Variants in FAT3 observed in about 807,000 individuals in gnomAD.
FAT3 encodes the protein FAT atypical cadherin 3, also known as protocadherin Fat 3.
Under a neutral mutation model 310.2 loss-of-function variants are expected in FAT3, and 95 were observed. The observed-to-expected ratio is 0.31, with a 90% CI of 0.26 to 0.36. The LOEUF is 0.36. Among genes scored for constraint, FAT3 ranks in the 10% least tolerant of loss-of-function variants. FAT3 has a pLI of 1.00. For missense variants in FAT3, 5,408 were observed against 5,715.6 expected, an observed-to-expected ratio of 0.95 and a Z score of 1.74; for synonymous variants, 2,314 against 2,192.9, an observed-to-expected ratio of 1.06 and a Z score of -1.54.
At chr11:92,331,765 C>A (rs1333339703) in intron 1 of FAT3, among the ~76,000 whole-genome samples, 1 of 152,152 alleles carries the variant, frequency 6.6e-6, no homozygotes, top group Non-Finnish European at 1.5e-5. Context: ...GTTCTTGATA[C>A]CCACTCATTT....
intron 2 of FAT3, among the ~76,000 whole-genome samples, chr11:92,363,579 T>G (rs1298507503): frequency 2.6e-5 from 4 of 152,222 alleles, no homozygotes; most frequent in Non-Finnish European, 4.4e-5. Flanking sequence ...TTTGGTGGCT[T>G]TGGTTTAATT....
intron 1 of FAT3, among the ~76,000 whole-genome samples, chr11:92,345,265 A>G (rs1005437061): frequency 9.2e-5 from 14 of 152,118 alleles, no homozygotes; most frequent in African/African-American, 2.4e-4. Context: ...TACCATTTCA[A>G]GGCTGTTTGT....
intron 1 of FAT3, among the ~76,000 whole-genome samples, chr11:92,339,006 G>A (rs1158103511): frequency 6.6e-6 from 1 of 152,154 alleles, no homozygotes; most frequent in African/African-American, 2.4e-5. Context: ...ACCTCTCAAT[G>A]GCAGCAGAAG....
chr11:92,776,478 A>G (rs1946602045), intron 7 of FAT3, among the ~76,000 whole-genome samples: 1 of 152,212 alleles, frequency 6.6e-6, no homozygotes. Flanking sequence ...TCTAGATGCT[A>G]AGTACTAAGG....
Position 92,565,330 on chromosome 11 carries a change from A to G in FAT3, c.3607+40382A>G, listed in dbSNP as rs1591458024. The stretch of plus-strand genomic sequence containing the variant: ...TCGACACATACACTCTCCCAAGACT[A>G]AACCAGGAAGAAGTTGCATCTCTGA... On this transcript the variant is annotated intron_variant, in intron 3 of 27. Transcript: ENST00000525166. Among the ~76,000 whole-genome samples the G allele has an allele frequency of 1.4e-5, 2 of 146,626 alleles. 1 individual carries two copies. Among genetic ancestry groups the G allele is most frequent in the African/African-American group, 4.9e-5 (2 of 40,570 alleles).
chr11:92,837,532 C>A lies in FAT3; in HGVS notation c.10225-131C>A. On this transcript the variant is annotated intron_variant, in intron 16 of 27. Coordinates refer to ENST00000525166, the MANE Select transcript of FAT3 (RefSeq NM_001367949.2). Reference sequence around the variant, plus strand: ...AATGTCAGTGGTGCCAAGAATCACCCGGTCTGGAAAATCAAACTAAAGATG... The same window carrying A: ...AATGTCAGTGGTGCCAAGAATCACCAGGTCTGGAAAATCAAACTAAAGATG... The A allele has an allele frequency of 4.5e-6, 5 of 1,105,952 alleles. No homozygotes were observed. In the Admixed American group the frequency reaches 8.0e-5, roughly 18 times the overall value. The allele number at this position is 1,105,952 out of a possible 1,614,324, so 68.5% of individuals were successfully genotyped here. A position where few individuals can be genotyped will look rare whatever the true frequency, so the allele number is the denominator to read the frequency against.
intron 22 of FAT3, among the ~76,000 whole-genome samples, chr11:92,874,432 T>C (rs190108150): frequency 2.0e-5 from 3 of 152,358 alleles, no homozygotes; most frequent in East Asian, 1.9e-4. Flanking sequence ...CAAGCTCTTC[T>C]TTCTTATCCC....
chr11:92,886,891 CA>C, intron 24 of FAT3, 108 bp from the exon 25 acceptor site: 1 of 824,220 alleles, frequency 1.2e-6, no homozygotes, highest in Non-Finnish European at 1.9e-6. Flanking sequence ...TTTCTCTAAG[CA>C]AATGAAAGTG....
chr11:92,551,853 G>A (rs1021811785), intron 3 of FAT3, among the ~76,000 whole-genome samples: 1 of 152,202 alleles, frequency 6.6e-6, no homozygotes, highest in Admixed American at 6.5e-5. Flanking sequence ...AATAGAATGT[G>A]AGAAATTTGG....
chr11:92,641,352 G>T (rs565656), intron 3 of FAT3, among the ~76,000 whole-genome samples: 5 of 151,962 alleles, frequency 3.3e-5, no homozygotes, highest in African/African-American at 7.3e-5. Context: ...TAGTTTCCTA[G>T]GGCCAATATG....
intron 19 of FAT3, among the ~76,000 whole-genome samples, chr11:92,849,237 G>A (rs1948758001): frequency 6.6e-6 from 1 of 152,130 alleles, no homozygotes; most frequent in South Asian, 2.1e-4. Context: ...AACCACAGCA[G>A]CTTACCACTT....
intron 1 of FAT3, among the ~76,000 whole-genome samples, chr11:92,300,841 C>A (rs866240383): frequency 1.3e-5 from 2 of 152,062 alleles, no homozygotes; most frequent in Non-Finnish European, 2.9e-5. Flanking sequence ...CTGGTATTTC[C>A]GGTCTAACAC....
At chr11:92,743,112 G>A (rs1454722696) in intron 4 of FAT3, among the ~76,000 whole-genome samples, 1 of 152,156 alleles carries the variant, frequency 6.6e-6, no homozygotes, top group Non-Finnish European at 1.5e-5. Context: ...GGAAACACTG[G>A]TTTAAATGGT....
intron 2 of FAT3, among the ~76,000 whole-genome samples, chr11:92,430,295 C>G (rs1591279101): frequency 6.6e-6 from 1 of 152,066 alleles, no homozygotes; most frequent in South Asian, 2.1e-4. Context: ...TATCAATGTT[C>G]TTAGCTTCCT....
chr11:92,399,606 G>A (rs969171000), intron 2 of FAT3, among the ~76,000 whole-genome samples: 2 of 152,102 alleles, frequency 1.3e-5, no homozygotes, highest in Non-Finnish European at 2.9e-5. Context: ...TTGGTTGGTG[G>A]GAGCAGAAGA....
At chr11:92,829,897 T>C (rs761831218) in intron 13 of FAT3, among the ~76,000 whole-genome samples, 4 of 152,172 alleles carry the variant, frequency 2.6e-5, no homozygotes, top group Non-Finnish European at 4.4e-5. Flanking sequence ...TCAAGATATA[T>C]GATTTTATTG....
intron 13 of FAT3, among the ~76,000 whole-genome samples, chr11:92,813,781 G>A (rs1255372405): frequency 2.0e-5 from 3 of 152,180 alleles, no homozygotes; most frequent in African/African-American, 7.2e-5. Context: ...GGCTACATTT[G>A]TGTAAATGAC....
chr11:92,473,916 C>T (rs1240490555), intron 2 of FAT3, among the ~76,000 whole-genome samples: 1 of 152,162 alleles, frequency 6.6e-6, no homozygotes, highest in Admixed American at 6.5e-5. Context: ...TCCGGCATTC[C>T]TAAGATCTGC....
intron 3 of FAT3, among the ~76,000 whole-genome samples, chr11:92,581,856 C>A (rs1938820060): frequency 6.6e-6 from 1 of 152,020 alleles, no homozygotes; most frequent in Non-Finnish European, 1.5e-5. Context: ...AATCCAGACT[C>A]ACAGAGAGGG....
Sources: allele counts gnomAD v4.1 joint callset (sites outside exome capture counted in the v4.1 genomes callset), GRCh38; gene constraint gnomAD v4.1.1; transcripts MANE v1.5; gene names NCBI Gene and HGNC (gene_info 2026-07-23, HGNC 2026-07-21).